NCOA3: variants seen among roughly 807,000 people sequenced by gnomAD.
The protein encoded by NCOA3 is CBP-interacting protein.
NCOA3 carries 51 observed loss-of-function variants against 158.8 expected under a neutral mutation model. The ratio of observed to expected loss-of-function variants is 0.32; its 90% CI spans 0.26 to 0.41. The LOEUF (loss-of-function observed/expected upper bound fraction) is 0.41. Among genes scored for constraint, NCOA3 ranks in the 10% least tolerant of loss-of-function variants. The probability of loss-of-function intolerance (pLI) is 1.00; values close to 1 mark genes in which losing one functional copy is unlikely to be tolerated. For missense variants in NCOA3, 1,510 were observed against 1,746.6 expected (o/e 0.86, Z 2.41); for synonymous variants, 537 against 592.4 (o/e 0.91, Z 1.36).
At chr20:47,510,518 A>G (rs1170253647) in intron 1 of NCOA3, among the ~76,000 whole-genome samples, 3 of 151,928 alleles carry the variant, frequency 2.0e-5, no homozygotes, top group African/African-American at 2.4e-5. Context: ...ACCTGTAAGC[A>G]TGAACTTGCC....
At chr20:47,511,550 T>TATATATATATACATATATATAC in intron 1 of NCOA3, among the ~76,000 whole-genome samples, 1 of 52,270 alleles carries the variant, frequency 1.9e-5, no homozygotes, top group Non-Finnish European at 4.0e-5. Flanking sequence ...TATATATATA[T>TATATATATATACATATATATAC]ATATATTTCT....
rs182387552 is a variant in NCOA3, at chr20:47,621,212, A to G, written c.-19-1017A>G. On this transcript the variant is annotated intron_variant, in intron 2 of 22. Coordinates refer to ENST00000371998, the MANE Select transcript of NCOA3 (RefSeq NM_181659.3). ...TTGCAATCTAGATTTTCTGATTTATATTATGATCATGTGATTTTTTAAATT... is the reference window on the plus strand; with the variant it reads ...TTGCAATCTAGATTTTCTGATTTATGTTATGATCATGTGATTTTTTAAATT... 4.4e-3 allele frequency among the ~76,000 whole-genome samples: 662 copies of G among 152,120 alleles called. 1 individual carries two copies. The highest frequency in any genetic ancestry group is 7.3e-3 in the Non-Finnish European group (498 of 67,978).
chr20:47,599,972 T>C (rs980545409), intron 2 of NCOA3, among the ~76,000 whole-genome samples: 4 of 151,806 alleles, frequency 2.6e-5, no homozygotes, highest in Non-Finnish European at 5.9e-5. Flanking sequence ...AACTACAGTT[T>C]AAAAAAAATT....
intron 1 of NCOA3, among the ~76,000 whole-genome samples, chr20:47,548,055 C>T (rs562788211): frequency 1.4e-4 from 22 of 151,758 alleles, no homozygotes; most frequent in East Asian, 9.7e-4. Flanking sequence ...TTTAGCTTCC[C>T]GTCTCTTTAG....
intron 16 of NCOA3, 138 bp downstream of exon 16, chr20:47,640,189 C>A (rs982816236): frequency 1.7e-5 from 19 of 1,136,726 alleles, no homozygotes; most frequent in Non-Finnish European, 2.3e-5. Flanking sequence ...GGGCATTTCT[C>A]GTGTAACTCT....
intron 1 of NCOA3, among the ~76,000 whole-genome samples, chr20:47,506,958 A>G (rs1423322957): frequency 6.6e-6 from 1 of 152,156 alleles, no homozygotes; most frequent in Non-Finnish European, 1.5e-5. Flanking sequence ...GAATTTAACT[A>G]TTGATTAGCC....
chr20:47,522,097 A>ATTTTTTTTTTTTTTT (rs2084345467), intron 1 of NCOA3, among the ~76,000 whole-genome samples: 1 of 103,812 alleles, frequency 9.6e-6, no homozygotes, highest in Non-Finnish European at 2.0e-5. Context: ...CATTGTACAG[A>ATTTTTTTTTTTTTTT]TCTTTTTTTT....
intron 1 of NCOA3, among the ~76,000 whole-genome samples, chr20:47,526,454 A>C (rs1471943202): frequency 6.6e-6 from 1 of 152,106 alleles, no homozygotes; most frequent in Non-Finnish European, 1.5e-5. Flanking sequence ...ACGCCACTGC[A>C]CTCCAGCCTG....
At chr20:47,549,439 G>A (rs997946996) in intron 1 of NCOA3, among the ~76,000 whole-genome samples, 4 of 151,508 alleles carry the variant, frequency 2.6e-5, no homozygotes, top group South Asian at 2.1e-4. Context: ...AGGTACCTGC[G>A]GTCCCAGCTA....
intron 2 of NCOA3, among the ~76,000 whole-genome samples, chr20:47,594,520 C>T (rs2085711300): frequency 6.6e-6 from 1 of 151,510 alleles, no homozygotes; most frequent in African/African-American, 2.4e-5. Context: ...AAACAATTAG[C>T]CTGGCGTGTT....
At chr20:47,522,733 G>A (rs1050773687) in intron 1 of NCOA3, among the ~76,000 whole-genome samples, 1 of 152,054 alleles carries the variant, frequency 6.6e-6, no homozygotes, top group African/African-American at 2.4e-5. Flanking sequence ...ATGTGGGGGA[G>A]GCCATGTTGC....
chr20:47,576,310 T>C (rs1166183819), intron 1 of NCOA3, among the ~76,000 whole-genome samples: 1 of 152,180 alleles, frequency 6.6e-6, no homozygotes, highest in African/African-American at 2.4e-5. Flanking sequence ...TGAGTTACTT[T>C]TAAAGCATTT....
At chr20:47,632,469 C>T (rs1367750357) in intron 8 of NCOA3, among the ~76,000 whole-genome samples, 1 of 150,714 alleles carries the variant, frequency 6.6e-6, no homozygotes, top group Non-Finnish European at 1.5e-5. Flanking sequence ...CTCACTGTAA[C>T]CTCTGCCTCC....
chr20:47,618,788 G>A (rs1448674409), intron 2 of NCOA3, among the ~76,000 whole-genome samples: 1 of 152,166 alleles, frequency 6.6e-6, no homozygotes, highest in African/African-American at 2.4e-5. Context: ...TGTGTCTATG[G>A]ACATAGCTCG....
At chr20:47,626,330 G>C (rs1163707180) in intron 5 of NCOA3, among the ~76,000 whole-genome samples, 1 of 152,212 alleles carries the variant, frequency 6.6e-6, no homozygotes, top group African/African-American at 2.4e-5. Context: ...AGCAGTTTCT[G>C]TAGCTTGACT....
intron 1 of NCOA3, among the ~76,000 whole-genome samples, chr20:47,562,108 C>T (rs1196805311): frequency 1.3e-5 from 2 of 152,052 alleles, no homozygotes; most frequent in Non-Finnish European, 2.9e-5. Flanking sequence ...TATTTCTTTA[C>T]AGTGCTGAAT....
At chr20:47,603,486 C>G (rs558847678) in intron 2 of NCOA3, among the ~76,000 whole-genome samples, 1 of 152,222 alleles carries the variant, frequency 6.6e-6, no homozygotes, top group African/African-American at 2.4e-5. Flanking sequence ...ACAGTATGCT[C>G]TTTTTGCTTT....
chr20:47,603,155 A>G (rs1280491936), intron 2 of NCOA3, among the ~76,000 whole-genome samples: 1 of 152,368 alleles, frequency 6.6e-6, no homozygotes, highest in African/African-American at 2.4e-5. Flanking sequence ...ACCACTACCA[A>G]AACTTCATTT....
intron 19 of NCOA3, among the ~76,000 whole-genome samples, chr20:47,650,691 C>T (rs2146347102): frequency 6.6e-6 from 1 of 152,056 alleles, no homozygotes; most frequent in South Asian, 2.1e-4. Flanking sequence ...TGGTGAAGCA[C>T]TATCTCTACT....
Sources: gnomAD v4.1 joint callset for allele counts (sites outside exome capture counted in the v4.1 genomes callset) on GRCh38, gnomAD v4.1.1 for gene constraint, MANE v1.5 for transcripts, NCBI Gene and HGNC (gene_info 2026-07-23, HGNC 2026-07-21) for gene names.